NKAIN1: variants seen among roughly 807,000 people sequenced by gnomAD.
NKAIN1 encodes sodium/potassium-transporting ATPase subunit beta-1-interacting protein 1.
A neutral mutation model predicts 31.6 loss-of-function variants in NKAIN1; 13 were observed. The observed-to-expected ratio is 0.41, with a 90% CI of 0.27 to 0.65. The LOEUF is 0.65. Among genes scored for constraint, NKAIN1 ranks in the 30% least tolerant of loss-of-function variants. The probability of loss-of-function intolerance (pLI) is 0.30; values close to 1 mark genes in which losing one functional copy is unlikely to be tolerated. For missense variants in NKAIN1, 193 were observed against 262.2 expected, an observed-to-expected ratio of 0.74 and a Z score of 1.82; for synonymous variants, 104 against 109.0, an observed-to-expected ratio of 0.95 and a Z score of 0.28.
chr1:31,205,613 GT>G (rs761138403), intron 1 of NKAIN1, among the ~76,000 whole-genome samples: 6,114 of 96,338 alleles, frequency 0.063, 210 homozygotes, highest in African/African-American at 0.18. Context: ...AGCCGGACAA[GT>G]TTTTTTTTTT....
intron 1 of NKAIN1, among the ~76,000 whole-genome samples, chr1:31,226,681 C>T (rs377471232): frequency 6.6e-6 from 1 of 152,236 alleles, no homozygotes. Flanking sequence ...TGCACCACCA[C>T]ACCCAGCTAA....
chr1:31,225,325 CTTTT>C (rs139451212), intron 1 of NKAIN1, among the ~76,000 whole-genome samples: 11,725 of 51,974 alleles, frequency 0.23, 1,551 homozygotes, highest in African/African-American at 0.41. Flanking sequence ...CATGCCCGGC[CTTTT>C]TTTTTTTTTT....
intron 5 of NKAIN1, 109 bp from the exon 6 acceptor site, chr1:31,182,050 G>T: frequency 8.8e-7 from 1 of 1,133,500 alleles, no homozygotes. Context: ...CCTAGGAAGC[G>T]GAGCCAGAGA....
intron 6 of NKAIN1, 54 bp downstream of exon 6, chr1:31,181,806 T>G: frequency 6.4e-7 from 1 of 1,569,044 alleles, no homozygotes. Context: ...ATCCCCTCCT[T>G]TTCGCAACCC....
In NKAIN1 at chr1:31,181,616, CA is replaced by C; in HGVS notation, c.*86del. 3.0e-6 allele frequency: 4 copies of C among 1,313,112 alleles called. No individual in the cohort carries two copies. The highest frequency in any genetic ancestry group is 2.7e-5 in the East Asian group (1 of 36,806). 81.3% of individuals were successfully genotyped at this position (1,313,112 alleles called of 1,614,324 possible). A position where few individuals can be genotyped will look rare whatever the true frequency, so the allele number is the denominator to read the frequency against. ...AGGCTGCAGTGAGCGCGCGGGCCACCAGGGGGACACGCCTGCGCCTTGGCCC... is the reference window on the plus strand; with the variant it reads ...AGGCTGCAGTGAGCGCGCGGGCCACCGGGGGACACGCCTGCGCCTTGGCCC... On this transcript the variant is annotated 3_prime_UTR_variant, in exon 7 of 7. Transcript: ENST00000373736.
chr1:31,200,443 A>G (rs1002278671), intron 1 of NKAIN1, among the ~76,000 whole-genome samples: 1 of 149,480 alleles, frequency 6.7e-6, no homozygotes, highest in Non-Finnish European at 1.5e-5. Flanking sequence ...AAGTTGGACC[A>G]GAAGTCTCCT....
At chr1:31,223,278 A>G (rs1645577380) in intron 1 of NKAIN1, among the ~76,000 whole-genome samples, 1 of 147,322 alleles carries the variant, frequency 6.8e-6, no homozygotes, top group South Asian at 2.3e-4. Context: ...CGGGAGGCTG[A>G]GGCAGGAGAA....
intron 1 of NKAIN1, among the ~76,000 whole-genome samples, chr1:31,194,343 C>CTT (rs1420624693): frequency 2.5e-4 from 19 of 74,760 alleles, no homozygotes; most frequent in Non-Finnish European, 5.8e-4. Context: ...TGACCCAGCT[C>CTT]TTTCTTTTTC....
intron 1 of NKAIN1, among the ~76,000 whole-genome samples, chr1:31,192,947 C>G (rs1354161664): frequency 6.6e-6 from 1 of 151,778 alleles, no homozygotes; most frequent in Non-Finnish European, 1.5e-5. Context: ...CAGAGGATGG[C>G]TTGAGGCCAG....
At chr1:31,184,478 T>G (rs1645227513) in intron 3 of NKAIN1, among the ~76,000 whole-genome samples, 1 of 152,118 alleles carries the variant, frequency 6.6e-6, no homozygotes, top group Admixed American at 6.6e-5. Context: ...AACAGATAAA[T>G]ACTCACTGCC....
intron 4 of NKAIN1, among the ~76,000 whole-genome samples, chr1:31,183,249 A>G (rs1029296130): frequency 2.6e-5 from 4 of 152,100 alleles, no homozygotes; most frequent in African/African-American, 9.7e-5. Context: ...TGACTTGTCC[A>G]AAGTCACATA....
At chr1:31,217,533 C>T (rs1357142526) in intron 1 of NKAIN1, among the ~76,000 whole-genome samples, 1 of 152,206 alleles carries the variant, frequency 6.6e-6, no homozygotes, top group Non-Finnish European at 1.5e-5. Flanking sequence ...TCCCTACCAA[C>T]CCCCACCCGG....
At chr1:31,206,989 C>T (rs894091220) in intron 1 of NKAIN1, among the ~76,000 whole-genome samples, 1 of 152,212 alleles carries the variant, frequency 6.6e-6, no homozygotes, top group Non-Finnish European at 1.5e-5. Context: ...CACGCCTCAG[C>T]CTCCCAAAGT....
chr1:31,226,684 C>A (rs1359603480), intron 1 of NKAIN1, among the ~76,000 whole-genome samples: 1 of 152,076 alleles, frequency 6.6e-6, no homozygotes, highest in African/African-American at 2.4e-5. Flanking sequence ...ACCACCACAC[C>A]CAGCTAATTT....
rs71569970 is a variant in NKAIN1, at chr1:31,218,068, C to CTTTCTTTCTTT, written c.54+21425_54+21426insAAAGAAAGAAA. On this transcript the variant is annotated intron_variant, in intron 1 of 6. Transcript: ENST00000373736. ...TCTTTCTTTCTTTCTTTCTTTCTTT[C>CTTTCTTTCTTT]TTTTTTTTTTTTGAGATGGAGTCTC... Among the ~76,000 whole-genome samples the CTTTCTTTCTTT allele has an allele frequency of 1.1e-4, 15 of 132,988 alleles. No individual in the cohort carries two copies. The East Asian group carries it at 1.2e-3, about 11-fold the overall frequency. 87.2% of individuals were successfully genotyped at this position (132,988 alleles called of 152,430 possible). A position where few individuals can be genotyped will look rare whatever the true frequency, so the allele number is the denominator to read the frequency against.
intron 2 of NKAIN1, 32 bp from the exon 3 acceptor site, chr1:31,185,359 G>A (rs1645234386): frequency 1.3e-6 from 2 of 1,565,952 alleles, no homozygotes; most frequent in Non-Finnish European, 1.7e-6. Flanking sequence ...TCAGGGTGGG[G>A]CCTGGGGAGT....
At position 31,181,500 on chromosome 1, in the gene NKAIN1, C is replaced by A. The variant is rs912117858; in HGVS notation, c.*203G>T. Reference sequence around the variant, plus strand: ...CCGCCCCGCCCCACTCCTCCGAAGTCCGGGCTGCGAAGAGCCAAGCTCAAA... The same window carrying A: ...CCGCCCCGCCCCACTCCTCCGAAGTACGGGCTGCGAAGAGCCAAGCTCAAA... On this transcript the variant is annotated 3_prime_UTR_variant, in exon 7 of 7. Transcript: ENST00000373736. 4.5e-6 allele frequency: 2 copies of A among 442,208 alleles called. No homozygotes were observed. The highest frequency in any genetic ancestry group is 7.8e-6 in the Non-Finnish European group (2 of 255,346). 27.4% of individuals were successfully genotyped at this position (442,208 alleles called of 1,614,324 possible).
chr1:31,202,885 G>T (rs1483772351), intron 1 of NKAIN1, among the ~76,000 whole-genome samples: 1 of 147,696 alleles, frequency 6.8e-6, no homozygotes, highest in Non-Finnish European at 1.5e-5. Context: ...GCTGAGGCAA[G>T]AGAATCATTT....
intron 1 of NKAIN1, among the ~76,000 whole-genome samples, chr1:31,225,645 A>G (rs1263123343): frequency 6.6e-6 from 1 of 151,404 alleles, no homozygotes; most frequent in Non-Finnish European, 1.5e-5. Context: ...TCTGGACTTC[A>G]GTTTTCCCAG....
Sources: gnomAD v4.1 joint callset for allele counts (sites outside exome capture counted in the v4.1 genomes callset) on GRCh38, gnomAD v4.1.1 for gene constraint, MANE v1.5 for transcripts, NCBI Gene and HGNC (gene_info 2026-07-23, HGNC 2026-07-21) for gene names.